The following METTL4 variants were observed in gnomAD, a reference collection of about 807,000 sequenced individuals.
METTL4 encodes N(6)-adenine-specific methyltransferase METTL4.
A neutral mutation model predicts 54.0 loss-of-function variants in METTL4; 40 were observed. The ratio of observed to expected loss-of-function variants is 0.74; its 90% confidence interval spans 0.58 to 0.96. The LOEUF is 0.96. Among genes scored for constraint, METTL4 ranks in the 50% least tolerant of loss-of-function variants. METTL4 has a pLI of 0.00. For synonymous variants in METTL4, 169 were observed against 183.8 expected, an observed-to-expected ratio of 0.92 and a Z score of 0.65; for missense variants, 525 against 549.0, an observed-to-expected ratio of 0.96 and a Z score of 0.44.
At chr18:2,541,213 A>G (rs1239229640) in intron 8 of METTL4, among the ~76,000 whole-genome samples, 2 of 152,248 alleles carry the variant, frequency 1.3e-5, no homozygotes, top group Non-Finnish European at 2.9e-5. Context: ...ATAAAAATGG[A>G]TTATTCTGGT....
At chr18:2,551,720 A>G (rs1426074132) in intron 5 of METTL4, among the ~76,000 whole-genome samples, 1 of 152,036 alleles carries the variant, frequency 6.6e-6, no homozygotes, top group Non-Finnish European at 1.5e-5. Context: ...GAAGAAGAAG[A>G]AAAAGGAAAG....
In METTL4 at chr18:2,567,019, G is replaced by A; in HGVS notation, c.198C>T (p.Asp66=). Residue 66 remains aspartate, a synonymous_variant, in exon 2 of 9, where the codon GAC becomes GAT. Transcript: ENST00000574538. The part of the protein sequence containing the change: ...SGVCAAFIAS[D]SSTKPENDDG... The stretch of plus-strand genomic sequence containing the variant: ...CATCATTCTCTGGCTTAGTGGAAGA[G>A]TCAGAAGCAATAAATGCAGCACAGA... 1.9e-6 allele frequency: 3 copies of A among 1,614,158 alleles called. No homozygotes were observed. The highest frequency in any genetic ancestry group is 2.5e-6 in the Non-Finnish European group (3 of 1,180,008).
At chr18:2,540,784 C>A (rs186988286) in intron 8 of METTL4, 47 of 985,410 alleles carry the variant, frequency 4.8e-5, no homozygotes, top group Admixed American at 1.8e-4. Context: ...TTAATGTGGT[C>A]TCAGGTTACG....
chr18:2,566,966 C>T lies in METTL4; in HGVS notation c.251G>A (p.Arg84Gln), dbSNP rs761026598. Residue 84 changes from arginine to glutamine, a missense_variant, in exon 2 of 9, where the codon CGA (arginine) becomes CAA (glutamine). Physicochemically the swap from Arg to Gln is conservative, Grantham distance 43. Transcript: ENST00000574538. ...CAGTTCAGGTCGAAAAACAAATTTT[C>T]GTGTGAACATTTCATAATTTCCTCC... ...DDGGNYEMFT[R>Q]KFVFRPELFD... 3.7e-6 allele frequency: 6 copies of T among 1,614,096 alleles called. No individual in the cohort carries two copies. The highest frequency in any genetic ancestry group is 4.2e-6 in the Non-Finnish European group (5 of 1,180,024).
chr18:2,539,851 TAA>T (rs35086373), intron 8 of METTL4: 36 of 824,946 alleles, frequency 4.4e-5, no homozygotes, highest in African/African-American at 1.4e-4. Context: ...ACAACCCATT[TAA>T]AAAAAAAAAA....
At position 2,544,699 on chromosome 18, in the gene METTL4, C is replaced by A. The variant is rs2072045260; in HGVS notation, c.1135G>T (p.Gly379Cys). 2 of 1,612,982 alleles carry A rather than the reference C, an allele frequency of 1.2e-6. No individual in the cohort carries two copies. Among genetic ancestry groups the A allele is most frequent in the East Asian group, 2.2e-5 (1 of 44,782 alleles). ...TCTTGAACCCTCCCCAGTATAAGAC[C>A]TTCGTAGGGCTTTTTGTGTGGAGAA... is the stretch of plus-strand genomic sequence containing the variant. The part of the protein sequence containing the change: ...LDSPHKKPYE[G>C]LILGRVQEKT... Residue 379 changes from glycine (G) to cysteine (C), a missense_variant, in exon 7 of 9, where the codon GGT (glycine) becomes TGT (cysteine). Physicochemically the swap from Gly to Cys is radical, Grantham distance 159. Transcript: ENST00000574538.
chr18:2,554,890 T>A lies in METTL4; in HGVS notation c.608A>T (p.Glu203Val), dbSNP rs1373830296. ...CAGAGAAGGCAAATGCTTTGCCATT[T>A]CACATAATTCTGACAAACTGCAGGC... ...LDACSLSELCEMAKHLPSLNE... is the reference protein window; with the variant it reads ...LDACSLSELCVMAKHLPSLNE... Residue 203 changes from glutamate to valine, a missense_variant, in exon 4 of 9, where the codon GAA (glutamate) becomes GTA (valine). Coordinates refer to ENST00000574538, the MANE Select transcript of METTL4 (RefSeq NM_022840.5). 13 of 1,614,018 alleles carry A rather than the reference T, an allele frequency of 8.1e-6. No individual in the cohort carries two copies. The East Asian group carries it at 1.1e-4, about 14-fold the overall frequency.
intron 7 of METTL4, 74 bp from the exon 8 acceptor site, chr18:2,544,360 A>AT (rs1002999706): frequency 1.9e-6 from 2 of 1,053,794 alleles, no homozygotes; most frequent in Non-Finnish European, 2.7e-6. Context: ...AGCTGCATTG[A>AT]TTTTTGTTCT....
intron 4 of METTL4, 33 bp downstream of exon 4, chr18:2,554,636 C>T: frequency 6.4e-7 from 1 of 1,569,632 alleles, no homozygotes; most frequent in Non-Finnish European, 8.6e-7. Context: ...GAAAAATTAT[C>T]TTTTTCTAAT....
chr18:2,571,478 G>A lies in METTL4; in HGVS notation c.-768C>T, dbSNP rs2072508938. 1 of 152,258 alleles carries A rather than the reference G, an allele frequency of 6.6e-6. No homozygotes were observed. The highest frequency in any genetic ancestry group is 2.4e-5 in the African/African-American group (1 of 41,476). The allele number at this position is 152,258 out of a possible 1,614,324, so 9.4% of individuals were successfully genotyped here. A position where few individuals can be genotyped will look rare whatever the true frequency, so the allele number is the denominator to read the frequency against. ...CGCAGCTGGGCGCGACCAGCACGCA[G>A]CCTTCCAGCGACGAGGCGGTCGCAT... On this transcript the variant is annotated 5_prime_UTR_variant, in exon 1 of 9. Transcript: ENST00000574538.
intron 3 of METTL4, among the ~76,000 whole-genome samples, chr18:2,560,095 C>CA (rs1202111117): frequency 6.6e-6 from 1 of 151,976 alleles, no homozygotes; most frequent in African/African-American, 2.4e-5. Context: ...TCAATAGAAA[C>CA]AAAAAACCTG....
chr18:2,539,226 G>A (rs1382130457), intron 8 of METTL4, 81 bp from the exon 9 acceptor site: 4 of 1,105,922 alleles, frequency 3.6e-6, no homozygotes, highest in Non-Finnish European at 5.3e-6. Context: ...AGTAGAAACA[G>A]AGAAATATTT....
In METTL4 at chr18:2,567,010, A is replaced by C. The variant is rs780518778; in HGVS notation, c.207T>G (p.Thr69=). ...CAAFIASDSS[T]KPENDDGGNY... The stretch of plus-strand genomic sequence containing the variant: ...TTCCTCCATCATCATTCTCTGGCTT[A>C]GTGGAAGAGTCAGAAGCAATAAATG... The change falls in exon 2 of 9, where the codon ACT becomes ACG. Residue 69 remains threonine, a synonymous_variant. Transcript: ENST00000574538. 6.2e-7 allele frequency: 1 copy of C among 1,614,144 alleles called. No individual in the cohort carries two copies. Among genetic ancestry groups the C allele is most frequent in the Non-Finnish European group, 8.5e-7 (1 of 1,180,014 alleles).
intron 2 of METTL4, among the ~76,000 whole-genome samples, chr18:2,565,042 C>T (rs890492980): frequency 1.3e-5 from 2 of 152,090 alleles, no homozygotes; most frequent in Non-Finnish European, 2.9e-5. Context: ...AATCTCAGCA[C>T]TTTGGGAGGC....
At chr18:2,540,803 A>C in intron 8 of METTL4, 2 of 985,426 alleles carry the variant, frequency 2.0e-6, no homozygotes, top group Non-Finnish European at 2.4e-6. Flanking sequence ...CGCTGAAGAA[A>C]GGTTTTGTTT....
chr18:2,539,903 T>C (rs1787504594), intron 8 of METTL4: 1 of 942,596 alleles, frequency 1.1e-6, no homozygotes, highest in Non-Finnish European at 1.3e-6. Flanking sequence ...AATAAAATAA[T>C]AATAAATGAA....
In METTL4 at chr18:2,538,729, A is replaced by C; in HGVS notation, c.*271T>G. 1 of 374,470 alleles carries C rather than the reference A, an allele frequency of 2.7e-6. No homozygotes were observed. The allele number at this position is 374,470 out of a possible 1,614,324, so 23.2% of individuals were successfully genotyped here. On this transcript the variant is annotated 3_prime_UTR_variant, in exon 9 of 9. Coordinates refer to ENST00000574538, the MANE Select transcript of METTL4 (RefSeq NM_022840.5). ...TCTGGTCCACGGTGTATGTTTTCTG[A>C]ACTTTTTCAATAGCATGGTCTTGCC...
chr18:2,548,146 G>GT (rs2072099868), intron 5 of METTL4, among the ~76,000 whole-genome samples: 1 of 152,050 alleles, frequency 6.6e-6, no homozygotes, highest in Non-Finnish European at 1.5e-5. Flanking sequence ...ATTCCACTGG[G>GT]TTCTCTAAAG....
chr18:2,558,183 A>G (rs763995298), intron 3 of METTL4, among the ~76,000 whole-genome samples: 4 of 152,204 alleles, frequency 2.6e-5, no homozygotes, highest in Non-Finnish European at 5.9e-5. Context: ...CCAAAAGCAT[A>G]TAATACAGGC....
Sources: allele counts gnomAD v4.1 joint callset (sites outside exome capture counted in the v4.1 genomes callset), GRCh38; gene constraint gnomAD v4.1.1; transcripts MANE v1.5; gene names NCBI Gene and HGNC (gene_info 2026-07-23, HGNC 2026-07-21).